Variants in CSMD1 observed in about 807,000 individuals in gnomAD.
CSMD1 encodes the protein CUB and sushi domain-containing protein 1.
Under a neutral mutation model 417.5 loss-of-function variants are expected in CSMD1, and 213 were observed. That is an observed-to-expected ratio of 0.51 (90% CI 0.46 to 0.57). CSMD1 has a LOEUF of 0.57. Among genes scored for constraint, CSMD1 ranks in the 20% least tolerant of loss-of-function variants. CSMD1 has a pLI of 0.00. For synonymous variants in CSMD1, 2,862 were observed against 1,736.8 expected, an observed-to-expected ratio of 1.65 and a Z score of -16.11; for missense variants, 6,923 against 4,529.7, an observed-to-expected ratio of 1.53 and a Z score of -15.17.
At chr8:3,040,431 G>C (rs909968158) in intron 50 of CSMD1, among the ~76,000 whole-genome samples, 4 of 137,688 alleles carry the variant, frequency 2.9e-5, no homozygotes, top group Non-Finnish European at 4.8e-5. Flanking sequence ...ATATATATAT[G>C]TATATACAAA....
At chr8:4,316,507 T>C (rs140526883) in intron 3 of CSMD1, among the ~76,000 whole-genome samples, 1 of 152,260 alleles carries the variant, frequency 6.6e-6, no homozygotes, top group East Asian at 1.9e-4. Flanking sequence ...CCTATACAAA[T>C]AGAACTATTA....
chr8:3,197,231 G>A (rs564088514), intron 33 of CSMD1, among the ~76,000 whole-genome samples: 143 of 145,858 alleles, frequency 9.8e-4, no homozygotes, highest in Non-Finnish European at 1.7e-3. Context: ...GTGCATGTCT[G>A]GAGTCACACG....
intron 5 of CSMD1, among the ~76,000 whole-genome samples, chr8:3,933,911 T>A (rs144563615): frequency 1.3e-5 from 2 of 152,116 alleles, no homozygotes; most frequent in African/African-American, 4.8e-5. Context: ...ACCTAGTAAA[T>A]ATGGGTGAAA....
intron 7 of CSMD1, among the ~76,000 whole-genome samples, chr8:3,619,841 T>C (rs958698431): frequency 1.3e-5 from 2 of 152,184 alleles, no homozygotes; most frequent in Non-Finnish European, 2.9e-5. Context: ...ATAGAATTTG[T>C]ATTTAATTCC....
At chr8:3,224,190 A>T (rs1005086503) in intron 27 of CSMD1, among the ~76,000 whole-genome samples, 1 of 152,220 alleles carries the variant, frequency 6.6e-6, no homozygotes, top group Admixed American at 6.5e-5. Flanking sequence ...TAATCCCCAT[A>T]CCTGCCAACG....
At chr8:3,119,555 G>C (rs554513801) in intron 41 of CSMD1, among the ~76,000 whole-genome samples, 22 of 152,220 alleles carry the variant, frequency 1.4e-4, no homozygotes, top group African/African-American at 5.1e-4. Flanking sequence ...AGTCTGTGTG[G>C]TTTAAACATT....
At chr8:4,163,117 G>A (rs908671296) in intron 3 of CSMD1, among the ~76,000 whole-genome samples, 1 of 152,178 alleles carries the variant, frequency 6.6e-6, no homozygotes, top group South Asian at 2.1e-4. Context: ...TACACCACAA[G>A]TTTATCATTT....
chr8:4,158,634 C>T (rs17069167), intron 3 of CSMD1, among the ~76,000 whole-genome samples: 53,169 of 151,858 alleles, frequency 0.35, 10,185 homozygotes, highest in African/African-American at 0.5. Context: ...TTCACAGTGG[C>T]GTTGCTGGTG....
intron 3 of CSMD1, among the ~76,000 whole-genome samples, chr8:4,120,893 A>G (rs1189947096): frequency 6.6e-6 from 1 of 152,180 alleles, no homozygotes; most frequent in South Asian, 2.1e-4. Context: ...TTTATACACC[A>G]TGGAATTTAT....
At chr8:3,217,204 G>C (rs1366798310) in intron 29 of CSMD1, among the ~76,000 whole-genome samples, 1 of 151,886 alleles carries the variant, frequency 6.6e-6, no homozygotes, top group Non-Finnish European at 1.5e-5. Flanking sequence ...GCATGCAATG[G>C]CATCACTGCT....
chr8:4,692,335 A>C (rs1368281444), intron 1 of CSMD1, among the ~76,000 whole-genome samples: 1 of 152,234 alleles, frequency 6.6e-6, no homozygotes, highest in African/African-American at 2.4e-5. Flanking sequence ...AAAAGAATGT[A>C]TTAAAAACAA....
At chr8:4,856,304 C>G (rs1221056702) in intron 1 of CSMD1, among the ~76,000 whole-genome samples, 1 of 144,828 alleles carries the variant, frequency 6.9e-6, no homozygotes, top group Non-Finnish European at 1.5e-5. Flanking sequence ...CCAGCTGCTG[C>G]AAAATCATGC....
intron 7 of CSMD1, among the ~76,000 whole-genome samples, chr8:3,640,098 C>T (rs1797233614): frequency 6.6e-6 from 1 of 152,098 alleles, no homozygotes; most frequent in Non-Finnish European, 1.5e-5. Flanking sequence ...GAAGGCTCTC[C>T]CATGTAGAGG....
chr8:3,796,270 T>C (rs1353179348), intron 5 of CSMD1, among the ~76,000 whole-genome samples: 1 of 28,674 alleles, frequency 3.5e-5, no homozygotes, highest in Non-Finnish European at 5.4e-5. Context: ...TAGATATAGA[T>C]ATATATCTAT....
chr8:4,107,760 G>T (rs1034251533), intron 3 of CSMD1, among the ~76,000 whole-genome samples: 1 of 152,166 alleles, frequency 6.6e-6, no homozygotes. Flanking sequence ...TTTGTCACAT[G>T]ACTGCACGAG....
chr8:4,326,831 GA>G (rs57676205), intron 3 of CSMD1, among the ~76,000 whole-genome samples: 5 of 151,040 alleles, frequency 3.3e-5, no homozygotes, highest in East Asian at 2.0e-4. Flanking sequence ...AGATTCTTCT[GA>G]AAAAAAAAGG....
intron 23 of CSMD1, among the ~76,000 whole-genome samples, chr8:3,324,736 G>C (rs900186402): frequency 6.6e-6 from 1 of 152,162 alleles, no homozygotes; most frequent in African/African-American, 2.4e-5. Flanking sequence ...ACCCAGGACG[G>C]GGCGTTTCCT....
chr8:3,240,765 C>T (rs1287210422), intron 26 of CSMD1, among the ~76,000 whole-genome samples: 1 of 152,072 alleles, frequency 6.6e-6, no homozygotes, highest in Non-Finnish European at 1.5e-5. Context: ...ATGGGTTTGG[C>T]ACCACTGGGT....
intron 5 of CSMD1, among the ~76,000 whole-genome samples, chr8:3,899,815 A>C (rs923173726): frequency 1.3e-5 from 2 of 152,226 alleles, no homozygotes; most frequent in Non-Finnish European, 2.9e-5. Flanking sequence ...AGCACCCTTC[A>C]GTATGACCCT....
Sources: allele counts gnomAD v4.1 joint callset (sites outside exome capture counted in the v4.1 genomes callset), GRCh38; gene constraint gnomAD v4.1.1; transcripts MANE v1.5; gene names NCBI Gene and HGNC (gene_info 2026-07-23, HGNC 2026-07-21).